Variants in ULK4 observed in about 807,000 individuals in gnomAD.
ULK4 encodes the protein unc-51 like kinase 4, also known as inactive serine/threonine-protein kinase ULK4.
Under a neutral mutation model 160.6 loss-of-function variants are expected in ULK4, and 133 were observed. The ratio of observed to expected loss-of-function variants is 0.83; its 90% CI spans 0.72 to 0.96. ULK4 has a LOEUF of 0.96. Among genes scored for constraint, ULK4 ranks in the 40% least tolerant of loss-of-function variants. The pLI, the probability that ULK4 is intolerant of heterozygous loss-of-function variation, is 0.00. For missense variants in ULK4, 1,580 were observed against 1,499.5 expected (o/e 1.05, Z -0.89); for synonymous variants, 534 against 539.8 (o/e 0.99, Z 0.15).
In ULK4 at chr3:41,530,641, C is replaced by T. The variant is rs1414681485; in HGVS notation, c.3226+35384G>A. Among the ~76,000 whole-genome samples, 6 of 152,172 alleles carry T rather than the reference C, an allele frequency of 3.9e-5. No individual in the cohort carries two copies. In the South Asian group the frequency reaches 1.2e-3, roughly 32 times the overall value. On this transcript the variant is annotated intron_variant, in intron 32 of 36. Coordinates refer to ENST00000301831, the MANE Select transcript of ULK4 (RefSeq NM_017886.4). ...AACCTACAGACAAGAGTCAATATAACAGATAATTTTTGCTTCATTTCACTG... is the reference window on the plus strand; with the variant it reads ...AACCTACAGACAAGAGTCAATATAATAGATAATTTTTGCTTCATTTCACTG...
chr3:41,775,395 A>G (rs1040589568), intron 21 of ULK4, among the ~76,000 whole-genome samples: 1 of 145,174 alleles, frequency 6.9e-6, no homozygotes, highest in South Asian at 2.2e-4. Flanking sequence ...TATGGTGACA[A>G]CTCCTTTTTT....
intron 8 of ULK4, 31 bp downstream of exon 8, chr3:41,915,946 A>C (rs1325391654): frequency 6.7e-7 from 1 of 1,499,172 alleles, no homozygotes; most frequent in South Asian, 1.2e-5. Flanking sequence ...CTCAAAAGAA[A>C]AAGAAAAAAA....
intron 1 of ULK4, among the ~76,000 whole-genome samples, chr3:41,957,986 G>T (rs548366115): frequency 6.7e-6 from 1 of 150,110 alleles, no homozygotes; most frequent in Non-Finnish European, 1.5e-5. Context: ...AGAGGTTGCA[G>T]TGAGCCAAGA....
intron 30 of ULK4, among the ~76,000 whole-genome samples, chr3:41,625,820 T>C (rs923019452): frequency 1.3e-5 from 2 of 152,174 alleles, no homozygotes; most frequent in Admixed American, 1.3e-4. Flanking sequence ...TTTACCTAAA[T>C]TTTTTTAAAC....
At chr3:41,721,360 A>ATTTTTTTT (rs1284559320) in intron 22 of ULK4, among the ~76,000 whole-genome samples, 1 of 51,480 alleles carries the variant, frequency 1.9e-5, no homozygotes, top group African/African-American at 1.2e-4. Context: ...ATATATATAT[A>ATTTTTTTT]TATTTTTTTT....
intron 32 of ULK4, among the ~76,000 whole-genome samples, chr3:41,464,063 G>A (rs1025215276): frequency 2.0e-4 from 31 of 151,820 alleles, no homozygotes; most frequent in Non-Finnish European, 4.4e-5. Context: ...GCAGATGGGG[G>A]AAAAGCACGG....
At chr3:41,722,491 C>T (rs1347032841) in intron 22 of ULK4, among the ~76,000 whole-genome samples, 11 of 152,008 alleles carry the variant, frequency 7.2e-5, no homozygotes, top group Admixed American at 5.9e-4. Context: ...ATTAGCCAGG[C>T]GTGGTGGCAC....
intron 1 of ULK4, among the ~76,000 whole-genome samples, chr3:41,959,854 C>T (rs531773026): frequency 6.6e-6 from 1 of 152,172 alleles, no homozygotes; most frequent in African/African-American, 2.4e-5. Context: ...TAAGATTAAA[C>T]TGACAGTATG....
chr3:41,349,874 T>C (rs542959260), intron 35 of ULK4, among the ~76,000 whole-genome samples: 1 of 152,302 alleles, frequency 6.6e-6, no homozygotes, highest in African/African-American at 2.4e-5. Context: ...TTTTCCCCTA[T>C]AAATATCACC....
intron 34 of ULK4, among the ~76,000 whole-genome samples, chr3:41,399,161 C>T (rs1439423406): frequency 6.6e-6 from 1 of 152,150 alleles, no homozygotes; most frequent in African/African-American, 2.4e-5. Flanking sequence ...TTCACTAACA[C>T]TTGTTATTAT....
chr3:41,925,657 GA>G (rs1366641432), intron 5 of ULK4, among the ~76,000 whole-genome samples: 3 of 152,194 alleles, frequency 2.0e-5, no homozygotes, highest in Non-Finnish European at 4.4e-5. Flanking sequence ...CCACTGGCTT[GA>G]AATTCTCGCT....
chr3:41,355,324 G>C (rs1288850056), intron 35 of ULK4, among the ~76,000 whole-genome samples: 3 of 152,148 alleles, frequency 2.0e-5, no homozygotes, highest in Non-Finnish European at 2.9e-5. Flanking sequence ...ATCCTGGCTT[G>C]AATCTCAGCC....
At chr3:41,416,587 T>C (rs186424547) in intron 34 of ULK4, among the ~76,000 whole-genome samples, 301 of 152,278 alleles carry the variant, frequency 2.0e-3, no homozygotes, top group Non-Finnish European at 2.9e-3. Flanking sequence ...CATAGTGACA[T>C]AGGCAATACT....
At chr3:41,706,252 A>G (rs2036872596) in intron 25 of ULK4, among the ~76,000 whole-genome samples, 1 of 151,678 alleles carries the variant, frequency 6.6e-6, no homozygotes, top group South Asian at 2.1e-4. Context: ...AAGGTACTCC[A>G]TGACAATGAA....
At chr3:41,369,740 G>C (rs2081324690) in intron 35 of ULK4, among the ~76,000 whole-genome samples, 1 of 150,390 alleles carries the variant, frequency 6.6e-6, no homozygotes, top group African/African-American at 2.5e-5. Flanking sequence ...CTTGCAGTGA[G>C]CTGAGATCAT....
chr3:41,599,700 G>C (rs1228904577), intron 31 of ULK4, among the ~76,000 whole-genome samples: 2 of 151,680 alleles, frequency 1.3e-5, no homozygotes, highest in Non-Finnish European at 1.5e-5. Context: ...GAATAGCTGG[G>C]GTTACAGGCA....
chr3:41,314,188 T>C (rs1031640884), intron 35 of ULK4, among the ~76,000 whole-genome samples: 12 of 152,300 alleles, frequency 7.9e-5, no homozygotes, highest in African/African-American at 2.2e-4. Flanking sequence ...TTTTAGACCA[T>C]TGGGTTGTTT....
At chr3:41,415,817 C>A (rs1258435576) in intron 34 of ULK4, among the ~76,000 whole-genome samples, 1 of 152,164 alleles carries the variant, frequency 6.6e-6, no homozygotes, top group African/African-American at 2.4e-5. Context: ...AGCCGACTCT[C>A]CGCCTGTCTT....
chr3:41,721,241 A>G (rs2037442127), intron 22 of ULK4, among the ~76,000 whole-genome samples: 2 of 115,672 alleles, frequency 1.7e-5, no homozygotes, highest in African/African-American at 3.6e-5. Flanking sequence ...CAGATGAGAA[A>G]TTTTTCGCTT....
Sources: gnomAD v4.1 joint callset for allele counts (sites outside exome capture counted in the v4.1 genomes callset) on GRCh38, gnomAD v4.1.1 for gene constraint, MANE v1.5 for transcripts, NCBI Gene and HGNC (gene_info 2026-07-23, HGNC 2026-07-21) for gene names.